The following SERPINA4 variants were observed in gnomAD, a reference collection of about 807,000 sequenced individuals.
SERPINA4 encodes kallistatin.
A neutral mutation model predicts 25.4 loss-of-function variants in SERPINA4; 24 were observed. That is an observed-to-expected ratio of 0.95 (90% CI 0.69 to 1.33). The LOEUF is 1.33. Ranked by LOEUF, SERPINA4 falls within the 40% of genes most tolerant of loss-of-function variation. SERPINA4 has a pLI of 0.00. For synonymous variants in SERPINA4, 242 were observed against 223.6 expected, an observed-to-expected ratio of 1.08 and a Z score of -0.73; for missense variants, 553 against 535.8, an observed-to-expected ratio of 1.03 and a Z score of -0.32.
intron 1 of SERPINA4, chr14:94,561,765 G>A (rs1566827953): frequency 7.8e-7 from 1 of 1,289,776 alleles, no homozygotes; most frequent in Non-Finnish European, 1.0e-6. Context: ...AGCTGGTACA[G>A]GGCGGCACTG....
rs775859746 is a variant in SERPINA4 at position 94,567,042 on chromosome 14, T to G, written c.722T>G (p.Val241Gly). The G allele has an allele frequency of 2.5e-6, 4 of 1,614,190 alleles. No individual in the cohort carries two copies. The South Asian group carries it at 4.4e-5, about 18-fold the overall frequency. Residue 241 changes from valine (V) to glycine (G), a missense_variant, in exon 3 of 5, where the codon GTC becomes GGC. Val to Gly is a moderately radical substitution (Grantham distance 109). Transcript: ENST00000557004. ...KDFYVDENTTVRVPMMLQDQE... is the reference protein window; with the variant it reads ...KDFYVDENTTGRVPMMLQDQE... ...TTCTATGTTGATGAGAACACAACAGTCCGGGTGCCCATGATGCTGCAGGAC... is the reference window on the plus strand; with the variant it reads ...TTCTATGTTGATGAGAACACAACAGGCCGGGTGCCCATGATGCTGCAGGAC...
rs758681011 is a variant in SERPINA4 at position 94,568,135 on chromosome 14, T to G, written c.930T>G (p.Phe310Leu). 5.6e-6 allele frequency: 9 copies of G among 1,614,094 alleles called. No homozygotes were observed. In the Admixed American group the frequency reaches 8.3e-5, roughly 15 times the overall value. The change falls in exon 4 of 5, where the codon TTT (phenylalanine) becomes TTG (leucine). Residue 310 changes from phenylalanine to leucine, a missense_variant. By Grantham distance (22) the Phe-to-Leu change is conservative. Coordinates refer to ENST00000557004, the MANE Select transcript of SERPINA4 (RefSeq NM_006215.4). The stretch of plus-strand genomic sequence containing the variant: ...AACTCAATGCCCCTTTCAGGAATTT[T>G]TACAAGAAGCTAGAGTTGCATCTTC... Reference protein sequence around the residue: ...RWNNLLRKRNFYKKLELHLPK... With the variant: ...RWNNLLRKRNLYKKLELHLPK...
chr14:94,569,275 GA>G, intron 4 of SERPINA4, 119 bp from the exon 5 acceptor site: 1 of 880,664 alleles, frequency 1.1e-6, no homozygotes, highest in South Asian at 1.7e-5. Context: ...TTATCCCCAA[GA>G]AATGGCCTTG....
At position 94,563,434 on chromosome 14, in the gene SERPINA4, G is replaced by A. The variant is rs770295651; in HGVS notation, c.-17-32G>A. 28 of 1,563,132 alleles carry A rather than the reference G, an allele frequency of 1.8e-5. No homozygotes were observed. The African/African-American group carries it at 3.4e-4, about 19-fold the overall frequency. On this transcript the variant is annotated intron_variant, in intron 1 of 4. Coordinates refer to ENST00000557004, the MANE Select transcript of SERPINA4 (RefSeq NM_006215.4). ...AGTAGGGCCAGGTGTTCTTCTGGGG[G>A]AATTTCCTGGGCATTCTCTTCCCTC...
At chr14:94,564,462 A>G (rs1441837158) in intron 2 of SERPINA4, among the ~76,000 whole-genome samples, 2 of 152,366 alleles carry the variant, frequency 1.3e-5, no homozygotes, top group East Asian at 1.9e-4. Flanking sequence ...TTGTTTGCTC[A>G]AAGCAGGGAT....
At chr14:94,569,177 C>T (rs1422220922) in intron 4 of SERPINA4, among the ~76,000 whole-genome samples, 6 of 152,206 alleles carry the variant, frequency 3.9e-5, no homozygotes, top group African/African-American at 1.4e-4. Context: ...GGGCACAGAG[C>T]AAGTGCTCAT....
At chr14:94,561,947 A>G (rs1034388633) in intron 1 of SERPINA4, 2 of 1,199,548 alleles carry the variant, frequency 1.7e-6, no homozygotes, top group Non-Finnish European at 2.1e-6. Context: ...GCAAGGGTCT[A>G]GGTCAGGGGT....
rs10566829 is a variant in SERPINA4 at position 94,565,691 on chromosome 14, C to CAAAA, written c.650-1265_650-1262dup. ...CAAAACCCTGTCTCTACTAAAAATACAAAAAAAAAAAAAAAAATTAGCCAG... is the reference window on the plus strand; with the variant it reads ...CAAAACCCTGTCTCTACTAAAAATACAAAAAAAAAAAAAAAAAAAAATTAGCCAG... On this transcript the variant is annotated intron_variant, in intron 2 of 4. Transcript: ENST00000557004. Among the ~76,000 whole-genome samples, 22 of 141,366 alleles carry CAAAA rather than the reference C, an allele frequency of 1.6e-4. 1 individual carries two copies. Among genetic ancestry groups the CAAAA allele is most frequent in the African/African-American group, 5.8e-4 (22 of 38,104 alleles). The allele number at this position is 141,366 out of a possible 152,430, so 92.7% of individuals were successfully genotyped here.
At chr14:94,563,321 G>T in intron 1 of SERPINA4, 145 bp from the exon 2 acceptor site, 1 of 748,256 alleles carries the variant, frequency 1.3e-6, no homozygotes, top group East Asian at 2.5e-5. Flanking sequence ...GAAGGTGGTG[G>T]GTGTTACATT....
At position 94,569,559 on chromosome 14, in the gene SERPINA4, C is replaced by T. The variant is rs369856938; in HGVS notation, c.1248C>T (p.Leu416=). 12 of 1,614,094 alleles carry T rather than the reference C, an allele frequency of 7.4e-6. No homozygotes were observed. Among genetic ancestry groups the T allele is most frequent in the Non-Finnish European group, 1.7e-6 (2 of 1,180,044 alleles). ...VIFSTSTQSV[L]FLGKVVDPTK... ...TTTCCACCAGCACCCAGAGTGTCCT[C>T]TTTCTGGGCAAGGTCGTCGACCCCA... Residue 416 remains leucine (L), a synonymous_variant, in exon 5 of 5, where the codon CTC becomes CTT. Transcript: ENST00000557004.
Position 94,569,428 on chromosome 14 carries a change from G to A in SERPINA4, c.1117G>A (p.Ala373Thr). 1.2e-6 allele frequency: 2 copies of A among 1,614,078 alleles called. No homozygotes were observed. The highest frequency in any genetic ancestry group is 1.7e-6 in the Non-Finnish European group (2 of 1,180,044). Residue 373 changes from alanine (A) to threonine (T), a missense_variant, in exon 5 of 5, where the codon GCT (alanine) becomes ACT (threonine). By Grantham distance (58) the Ala-to-Thr change is moderately conservative. Coordinates refer to ENST00000557004, the MANE Select transcript of SERPINA4 (RefSeq NM_006215.4). The stretch of plus-strand genomic sequence containing the variant: ...CAAGGCCACCTTGGACGTGGATGAG[G>A]CTGGCACCGAGGCTGCAGCAGCCAC... ...FHKATLDVDE[A>T]GTEAAAATSF...
At position 94,568,155 on chromosome 14, in the gene SERPINA4, A is replaced by G. The variant is rs1902279321; in HGVS notation, c.950A>G (p.His317Arg). ...KRNFYKKLEL[H>R]LPKFSISGSY... ...AATTTTTACAAGAAGCTAGAGTTGC[A>G]TCTTCCCAAGTTCTCCATTTCTGGC... Residue 317 changes from histidine (H) to arginine (R), a missense_variant, in exon 4 of 5, where the codon CAT becomes CGT. By Grantham distance (29) the His-to-Arg change is conservative (BLOSUM62 0). Transcript: ENST00000557004. 1.2e-6 allele frequency: 2 copies of G among 1,614,128 alleles called. No individual in the cohort carries two copies. The highest frequency in any genetic ancestry group is 2.7e-5 in the African/African-American group (2 of 74,952).
At chr14:94,568,414 C>T in intron 4 of SERPINA4, 126 bp downstream of exon 4, 2 of 959,484 alleles carry the variant, frequency 2.1e-6, no homozygotes, top group South Asian at 3.3e-5. Context: ...CAGTCATCTA[C>T]AGGCATCAGC....
In SERPINA4 at chr14:94,563,503, G is replaced by C; in HGVS notation, c.21G>C (p.Leu7=). The part of the protein sequence containing the change: MHLIDY[L]LLLLVGLLAL... ...AGAGGATGCATCTTATCGACTACCT[G>C]CTCCTCCTGCTGGTTGGACTACTGG... Residue 7 remains leucine, a synonymous_variant, in exon 2 of 5, where the codon CTG becomes CTC. Coordinates refer to ENST00000557004, the MANE Select transcript of SERPINA4 (RefSeq NM_006215.4). The C allele has an allele frequency of 6.2e-7, 1 of 1,613,330 alleles. No individual in the cohort carries two copies. Among genetic ancestry groups the C allele is most frequent in the Non-Finnish European group, 8.5e-7 (1 of 1,179,634 alleles).
chr14:94,567,218 A>G lies in SERPINA4; in HGVS notation c.898A>G (p.Arg300Gly), dbSNP rs755220009. 4 of 1,614,008 alleles carry G rather than the reference A, an allele frequency of 2.5e-6. No individual in the cohort carries two copies. The Admixed American group carries it at 6.7e-5, about 27-fold the overall frequency. The stretch of plus-strand genomic sequence containing the variant: ...GGTTCTGACTCCAGAGATGCTAATG[A>G]GGTGGAACAACTTGTTGCGGAAGAG... ...EEVLTPEMLM[R>G]WNNLLRKRNF... Residue 300 changes from arginine to glycine, a missense_variant, in exon 3 of 5, where the codon AGG (arginine) becomes GGG (glycine). By Grantham distance (125) the Arg-to-Gly change is moderately radical. Coordinates refer to ENST00000557004, the MANE Select transcript of SERPINA4 (RefSeq NM_006215.4).
At chr14:94,565,093 A>G (rs2284655) in intron 2 of SERPINA4, among the ~76,000 whole-genome samples, 135,052 of 152,214 alleles carry the variant, frequency 0.89, 60,381 homozygotes, top group African/African-American at 0.96. Flanking sequence ...CACAATTGCG[A>G]CTGGGAAAGT....
At position 94,567,197 on chromosome 14, in the gene SERPINA4, C is replaced by T. The variant is rs1372650266; in HGVS notation, c.877C>T (p.Leu293=). The change falls in exon 3 of 5, where the codon CTG becomes TTG. Residue 293 remains leucine, a synonymous_variant. Coordinates refer to ENST00000557004, the MANE Select transcript of SERPINA4 (RefSeq NM_006215.4). ...QGKMREIEEV[L]TPEMLMRWNN... ...CAAAATGAGGGAGATTGAAGAGGTT[C>T]TGACTCCAGAGATGCTAATGAGGTG... is the stretch of plus-strand genomic sequence containing the variant. 6.2e-7 allele frequency: 1 copy of T among 1,614,032 alleles called. No individual in the cohort carries two copies. The highest frequency in any genetic ancestry group is 8.5e-7 in the Non-Finnish European group (1 of 1,180,038).
intron 3 of SERPINA4, 55 bp from the exon 4 acceptor site, chr14:94,568,074 G>T: frequency 1.3e-6 from 2 of 1,591,152 alleles, no homozygotes; most frequent in Non-Finnish European, 8.6e-7. Flanking sequence ...GCTCTGCCCA[G>T]CAGGGATCCT....
intron 2 of SERPINA4, among the ~76,000 whole-genome samples, chr14:94,566,701 C>G (rs1302891437): frequency 6.6e-6 from 1 of 152,208 alleles, no homozygotes; most frequent in Non-Finnish European, 1.5e-5. Flanking sequence ...TCCAGCACCC[C>G]TTGTTTCTTC....
Sources: gnomAD v4.1 joint callset for allele counts (sites outside exome capture counted in the v4.1 genomes callset) on GRCh38, gnomAD v4.1.1 for gene constraint, MANE v1.5 for transcripts, NCBI Gene and HGNC (gene_info 2026-07-23, HGNC 2026-07-21) for gene names.